Variants in CELF4 observed in about 807,000 individuals in gnomAD.
The protein encoded by CELF4 is CUGBP Elav-like family member 4, also known as CUG-BP- and ETR-3-like factor 4.
CELF4 carries 18 observed loss-of-function variants against 59.9 expected under a neutral mutation model. The ratio of observed to expected loss-of-function variants is 0.30; its 90% CI spans 0.21 to 0.45. The LOEUF (loss-of-function observed/expected upper bound fraction) is 0.45, where lower values mean the gene tolerates loss of function less well. Among genes scored for constraint, CELF4 ranks in the 20% least tolerant of loss-of-function variants. CELF4 has a pLI of 1.00. For synonymous variants in CELF4, 261 were observed against 267.1 expected (o/e 0.98, Z 0.22); for missense variants, 456 against 689.0 (o/e 0.66, Z 3.79).
intron 2 of CELF4, among the ~76,000 whole-genome samples, chr18:37,355,857 C>T (rs2098554394): frequency 1.3e-5 from 2 of 152,176 alleles, no homozygotes; most frequent in South Asian, 4.1e-4. Context: ...CCTTTGGAGT[C>T]AAACCAGCCA....
At chr18:37,501,114 C>T (rs1036881533) in intron 1 of CELF4, among the ~76,000 whole-genome samples, 6 of 152,142 alleles carry the variant, frequency 3.9e-5, no homozygotes, top group East Asian at 1.9e-4. Context: ...TGGGGGTGGC[C>T]GGGATGCAGA....
At chr18:37,480,756 A>G (rs1011645978) in intron 2 of CELF4, among the ~76,000 whole-genome samples, 2 of 152,092 alleles carry the variant, frequency 1.3e-5, no homozygotes, top group African/African-American at 4.8e-5. Context: ...AGGAGAGACA[A>G]GTCTGAAGGA....
chr18:37,322,812 G>T (rs1309884968), intron 2 of CELF4, among the ~76,000 whole-genome samples: 1 of 152,204 alleles, frequency 6.6e-6, no homozygotes. Flanking sequence ...AGCCCTTCTT[G>T]CATCTGCATT....
intron 3 of CELF4, among the ~76,000 whole-genome samples, chr18:37,307,408 A>G (rs1241757111): frequency 6.6e-6 from 1 of 152,176 alleles, no homozygotes; most frequent in African/African-American, 2.4e-5. Context: ...AACATGCATG[A>G]TAAATGCCAG....
At position 37,359,516 on chromosome 18, in the gene CELF4, T is replaced by C. The variant is rs143608724; in HGVS notation, c.370-37635A>G. Among the ~76,000 whole-genome samples, 425 of 152,252 alleles carry C rather than the reference T, an allele frequency of 2.8e-3. 2 individuals carry two copies. Among genetic ancestry groups the C allele is most frequent in the African/African-American group, 9.9e-3 (413 of 41,544 alleles). On this transcript the variant is annotated intron_variant, in intron 2 of 12. Transcript: ENST00000420428. ...GGCCTGGCTAATTTTTAATATTTTG[T>C]AGAGACAGGGTCTCGCTATGTTGCC...
At chr18:37,265,156 A>G (rs1354395889) in intron 9 of CELF4, among the ~76,000 whole-genome samples, 6 of 146,748 alleles carry the variant, frequency 4.1e-5, no homozygotes, top group African/African-American at 1.5e-4. Context: ...GTGTGGGTGT[A>G]TGTGTGTGCG....
intron 1 of CELF4, among the ~76,000 whole-genome samples, chr18:37,498,724 G>T (rs548559967): frequency 7.2e-5 from 11 of 152,060 alleles, no homozygotes; most frequent in Non-Finnish European, 1.0e-4. Context: ...CAACCCCTGT[G>T]GCCTGATTGC....
At chr18:37,393,856 C>CTTTTTT (rs397959278) in intron 2 of CELF4, among the ~76,000 whole-genome samples, 1 of 131,144 alleles carries the variant, frequency 7.6e-6, no homozygotes, top group Non-Finnish European at 1.6e-5. Flanking sequence ...CTTTACGCGG[C>CTTTTTT]TTTTTTTTTT....
At chr18:37,392,701 A>G (rs2099176992) in intron 2 of CELF4, among the ~76,000 whole-genome samples, 1 of 152,228 alleles carries the variant, frequency 6.6e-6, no homozygotes, top group Admixed American at 6.5e-5. Context: ...AGCATTCTGC[A>G]ATTCACAAAC....
intron 11 of CELF4, among the ~76,000 whole-genome samples, chr18:37,255,519 AG>A (rs962452013): frequency 4.0e-5 from 6 of 150,972 alleles, no homozygotes; most frequent in African/African-American, 1.5e-4. Context: ...GGAGAATTTC[AG>A]CTGATCCATA....
intron 1 of CELF4, among the ~76,000 whole-genome samples, chr18:37,537,559 T>C (rs4799942): frequency 0.88 from 134,363 of 152,184 alleles, 59,560 homozygotes; most frequent in Non-Finnish European, 0.92. Flanking sequence ...ACATGAAAAT[T>C]ACAGGTCTTC....
intron 2 of CELF4, among the ~76,000 whole-genome samples, chr18:37,328,560 A>G (rs2097415858): frequency 6.6e-6 from 1 of 152,158 alleles, no homozygotes; most frequent in African/African-American, 2.4e-5. Context: ...TATCTTCCCC[A>G]AACAGACATA....
chr18:37,328,053 G>C (rs954467786), intron 2 of CELF4, among the ~76,000 whole-genome samples: 1 of 152,172 alleles, frequency 6.6e-6, no homozygotes, highest in African/African-American at 2.4e-5. Flanking sequence ...GGGAGAGAGA[G>C]AAAAGAAGAT....
chr18:37,399,710 GAGGC>G lies in CELF4; in HGVS notation c.370-77833_370-77830del, dbSNP rs551362046. Among the ~76,000 whole-genome samples the G allele has an allele frequency of 7.6e-4, 116 of 152,344 alleles. 1 individual carries two copies. The highest frequency in any genetic ancestry group is 2.5e-3 in the African/African-American group (105 of 41,572). Reference sequence around the variant, plus strand: ...TAGTACAGGACCTTGCCTAGACTTGGAGGCAGGCAGGCAAAAATGGTTGGTTCAC... The same window carrying G: ...TAGTACAGGACCTTGCCTAGACTTGGAGGCAGGCAAAAATGGTTGGTTCAC... On this transcript the variant is annotated intron_variant, in intron 2 of 12. Coordinates refer to ENST00000420428, the MANE Select transcript of CELF4 (RefSeq NM_020180.4).
At position 37,441,995 on chromosome 18, in the gene CELF4, C is replaced by T. The variant is rs4799925; in HGVS notation, c.369+43530G>A. ...CGCAAAGAACCTAGATGACACAGTG[C>T]GTCACCCAAACCGCAAAGACCCTAG... On this transcript the variant is annotated intron_variant, in intron 2 of 12. Transcript: ENST00000420428. Among the ~76,000 whole-genome samples the T allele has an allele frequency of 3.5e-4, 24 of 67,904 alleles. No individual in the cohort carries two copies. The South Asian group carries it at 9.8e-3, about 28-fold the overall frequency. The allele number at this position is 67,904 out of a possible 152,430, so 44.5% of individuals were successfully genotyped here. A position where few individuals can be genotyped will look rare whatever the true frequency, so the allele number is the denominator to read the frequency against.
At chr18:37,312,303 G>A (rs2096703829) in intron 3 of CELF4, among the ~76,000 whole-genome samples, 1 of 152,006 alleles carries the variant, frequency 6.6e-6, no homozygotes, top group South Asian at 2.1e-4. Context: ...CATACCCTGG[G>A]CGAGCAGCTG....
At position 37,343,747 on chromosome 18, in the gene CELF4, C is replaced by T. The variant is rs930797103; in HGVS notation, c.370-21866G>A. On this transcript the variant is annotated intron_variant, in intron 2 of 12. Coordinates refer to ENST00000420428, the MANE Select transcript of CELF4 (RefSeq NM_020180.4). ...TGACAGCTGGATGCTGCTCGTGTTC[C>T]GTGCCCTGCGAACCTTGGCTCTCTA... Among the ~76,000 whole-genome samples the T allele has an allele frequency of 5.3e-5, 8 of 152,178 alleles. No homozygotes were observed. The South Asian group carries it at 1.0e-3, about 20-fold the overall frequency.
At chr18:37,273,218 C>A in intron 6 of CELF4, 55 bp from the exon 7 acceptor site, 2 of 1,571,290 alleles carry the variant, frequency 1.3e-6, no homozygotes, top group South Asian at 1.2e-5. Context: ...CATCCCTCCC[C>A]GACAGGGGCC....
At chr18:37,486,447 G>A (rs953335282) in intron 1 of CELF4, among the ~76,000 whole-genome samples, 5 of 152,196 alleles carry the variant, frequency 3.3e-5, no homozygotes, top group African/African-American at 1.2e-4. Context: ...ATACTCAAGG[G>A]GTGACTTTTC....
Sources: gnomAD v4.1 joint callset for allele counts (sites outside exome capture counted in the v4.1 genomes callset) on GRCh38, gnomAD v4.1.1 for gene constraint, MANE v1.5 for transcripts, NCBI Gene and HGNC (gene_info 2026-07-23, HGNC 2026-07-21) for gene names.